The following HEMK2 variants were observed in gnomAD, a reference collection of about 807,000 sequenced individuals.
HEMK2 encodes HemK methyltransferase 2, ETF1 glutamine and histone H4 lysine, also known as methyltransferase HEMK2.
chr21:28,576,822 T>C, the HEMK2 span, among the ~76,000 whole-genome samples: 29 of 152,262 alleles, frequency 1.9e-4, no homozygotes, highest in African/African-American at 7.0e-4. Flanking sequence ...GCAATTCCCC[T>C]GTCTCCACCT....
the HEMK2 span, among the ~76,000 whole-genome samples, chr21:28,747,235 A>C: frequency 2.6e-5 from 4 of 152,222 alleles, no homozygotes; most frequent in African/African-American, 9.6e-5. Flanking sequence ...GGTGGCGAGA[A>C]GCAAATCTAG....
the HEMK2 span, among the ~76,000 whole-genome samples, chr21:28,796,967 T>C: frequency 6.6e-6 from 1 of 152,244 alleles, no homozygotes; most frequent in Admixed American, 6.5e-5. Context: ...CACTATTTTG[T>C]ATATTTATAT....
chr21:28,624,740 G>A, the HEMK2 span, among the ~76,000 whole-genome samples: 1 of 152,170 alleles, frequency 6.6e-6, no homozygotes, highest in African/African-American at 2.4e-5. Flanking sequence ...GAGAGGACTA[G>A]GAACACTAAT....
the HEMK2 span, among the ~76,000 whole-genome samples, chr21:28,881,826 C>T: frequency 4.0e-5 from 6 of 151,898 alleles, no homozygotes; most frequent in Non-Finnish European, 7.4e-5. Flanking sequence ...TTTGTAGAGA[C>T]GAGTTCTCAC....
chr21:28,649,196 T>C, the HEMK2 span, among the ~76,000 whole-genome samples: 2 of 152,260 alleles, frequency 1.3e-5, no homozygotes, highest in South Asian at 2.1e-4. Context: ...GCAGTATCAA[T>C]ATTTCCTTGC....
the HEMK2 span, among the ~76,000 whole-genome samples, chr21:28,712,627 A>G: frequency 6.6e-6 from 1 of 152,188 alleles, no homozygotes; most frequent in Non-Finnish European, 1.5e-5. Context: ...CTTGGGGGCA[A>G]TAGAGAAGCC....
the HEMK2 span, among the ~76,000 whole-genome samples, chr21:28,800,709 G>GT: frequency 6.6e-6 from 1 of 152,108 alleles, no homozygotes; most frequent in African/African-American, 2.4e-5. Flanking sequence ...AACAATGCCT[G>GT]TATTTTTTAA....
the HEMK2 span, among the ~76,000 whole-genome samples, chr21:28,861,276 C>A: frequency 6.6e-6 from 1 of 152,220 alleles, no homozygotes; most frequent in Non-Finnish European, 1.5e-5. Context: ...GGTGGGCATA[C>A]CTGCTGTAAT....
the HEMK2 span, among the ~76,000 whole-genome samples, chr21:28,587,926 A>G: frequency 1.3e-5 from 2 of 152,250 alleles, no homozygotes; most frequent in African/African-American, 2.4e-5. Flanking sequence ...TGCAGAGAGC[A>G]TTTTGGTCAA....
At chr21:28,647,884 A>G in the HEMK2 span, among the ~76,000 whole-genome samples, 1 of 152,220 alleles carries the variant, frequency 6.6e-6, no homozygotes, top group Non-Finnish European at 1.5e-5. Context: ...GAGTGATTGT[A>G]ACAGAAAGAT....
the HEMK2 span, among the ~76,000 whole-genome samples, chr21:28,844,354 G>C: frequency 6.6e-6 from 1 of 151,932 alleles, no homozygotes; most frequent in Non-Finnish European, 1.5e-5. Flanking sequence ...ATCCTATACA[G>C]AAATGTGATG....
the HEMK2 span, among the ~76,000 whole-genome samples, chr21:28,877,334 G>GA: frequency 7.2e-6 from 1 of 138,714 alleles, no homozygotes; most frequent in Admixed American, 7.5e-5. Flanking sequence ...GAAAAAGAAA[G>GA]AAGGAAGGAA....
At chr21:28,792,051 T>G in the HEMK2 span, among the ~76,000 whole-genome samples, 1 of 152,116 alleles carries the variant, frequency 6.6e-6, no homozygotes, top group African/African-American at 2.4e-5. Context: ...TGCATTAGCA[T>G]GCTAAAAGAC....
At chr21:28,771,968 G>GA in the HEMK2 span, among the ~76,000 whole-genome samples, 31 of 146,340 alleles carry the variant, frequency 2.1e-4, no homozygotes, top group Middle Eastern at 3.5e-3. Flanking sequence ...AATCTTAAAA[G>GA]AAAAAAAAAA....
At chr21:28,847,847 G>T in the HEMK2 span, among the ~76,000 whole-genome samples, 1 of 152,196 alleles carries the variant, frequency 6.6e-6, no homozygotes, top group Non-Finnish European at 1.5e-5. Context: ...TGGCTAGCCA[G>T]TTATCCCAGC....
chr21:28,583,946 G>A, the HEMK2 span, among the ~76,000 whole-genome samples: 1 of 152,112 alleles, frequency 6.6e-6, no homozygotes, highest in African/African-American at 2.4e-5. Context: ...CATCTTGAAA[G>A]GTCCTTCAAA....
chr21:28,881,208 CTGATT>C, the HEMK2 span, among the ~76,000 whole-genome samples: 5 of 152,184 alleles, frequency 3.3e-5, no homozygotes, highest in Non-Finnish European at 7.3e-5. Flanking sequence ...CCCCTTTCTT[CTGATT>C]TAATTTCCTT....
chr21:28,674,026 T>C, the HEMK2 span, among the ~76,000 whole-genome samples: 2 of 152,108 alleles, frequency 1.3e-5, no homozygotes, highest in Admixed American at 6.5e-5. Flanking sequence ...CAGGATGAGA[T>C]ACGAAGTCAG....
the HEMK2 span, among the ~76,000 whole-genome samples, chr21:28,586,877 C>G: frequency 6.6e-6 from 1 of 152,072 alleles, no homozygotes; most frequent in African/African-American, 2.4e-5. Flanking sequence ...TTAACCCCAC[C>G]CATGAGGGCT....
Sources: allele counts gnomAD v4.1 joint callset (sites outside exome capture counted in the v4.1 genomes callset), GRCh38; gene constraint gnomAD v4.1.1; transcripts MANE v1.5; gene names NCBI Gene and HGNC (gene_info 2026-07-23, HGNC 2026-07-21).